CWC27: variants seen among roughly 807,000 people sequenced by gnomAD.
The protein encoded by CWC27 is spliceosome-associated protein CWC27 homolog.
A neutral mutation model predicts 63.6 loss-of-function variants in CWC27; 47 were observed. The ratio of observed to expected loss-of-function variants is 0.74; its 90% CI spans 0.58 to 0.94. The LOEUF (loss-of-function observed/expected upper bound fraction) is 0.94. Ranked by LOEUF, CWC27 falls within the 40% of genes least tolerant of loss-of-function variation. CWC27 has a pLI of 0.00. For missense variants in CWC27, 495 were observed against 554.3 expected, an observed-to-expected ratio of 0.89 and a Z score of 1.07; for synonymous variants, 175 against 179.8, an observed-to-expected ratio of 0.97 and a Z score of 0.22.
chr5:65,007,355 T>C (rs1207995353), intron 13 of CWC27, among the ~76,000 whole-genome samples: 1 of 152,230 alleles, frequency 6.6e-6, no homozygotes, highest in Non-Finnish European at 1.5e-5. Context: ...TATGGTATCC[T>C]GAATGGGATT....
Position 64,771,511 on chromosome 5 carries a change from A to G in CWC27, c.42+2323A>G, listed in dbSNP as rs574761831. Among the ~76,000 whole-genome samples the G allele has an allele frequency of 1.0e-3, 155 of 152,338 alleles. 1 individual carries two copies. Among genetic ancestry groups the G allele is most frequent in the Middle Eastern group, 3.4e-3 (1 of 294 alleles). On this transcript the variant is annotated intron_variant, in intron 1 of 13. Transcript: ENST00000381070. ...AGTACTTGACAGAAAGTTTTTAAGC[A>G]TAAGAGGTAATTCCCTGAAGATGAA...
intron 11 of CWC27, among the ~76,000 whole-genome samples, chr5:64,920,835 C>T (rs1263467783): frequency 1.3e-5 from 2 of 151,880 alleles, no homozygotes; most frequent in Admixed American, 6.6e-5. Context: ...TTATTTGGAT[C>T]TTCTCTCTTT....
chr5:64,912,073 C>CAAAAA (rs1253684440), intron 11 of CWC27, among the ~76,000 whole-genome samples: 4 of 83,398 alleles, frequency 4.8e-5, no homozygotes, highest in African/African-American at 1.4e-4. Context: ...GACTCTGTCT[C>CAAAAA]AAAAAAAAAA....
intron 11 of CWC27, among the ~76,000 whole-genome samples, chr5:64,942,921 T>A (rs1748514743): frequency 6.6e-6 from 1 of 152,198 alleles, no homozygotes; most frequent in African/African-American, 2.4e-5. Context: ...AGAGGCTCAT[T>A]GTACTCAGGT....
intron 10 of CWC27, chr5:64,808,055 T>G (rs1320221582): frequency 3.1e-6 from 4 of 1,307,504 alleles, no homozygotes; most frequent in Non-Finnish European, 3.9e-6. Context: ...TCTTTTCTCT[T>G]GAGACTAATC....
At chr5:64,836,092 A>C (rs1188149812) in intron 10 of CWC27, among the ~76,000 whole-genome samples, 1 of 151,978 alleles carries the variant, frequency 6.6e-6, no homozygotes, top group Non-Finnish European at 1.5e-5. Flanking sequence ...ATATTCAAAT[A>C]AGTAAAGTTA....
At position 64,995,612 on chromosome 5, in the gene CWC27, G is replaced by A. The variant is rs773322435; in HGVS notation, c.1256+18374G>A. On this transcript the variant is annotated intron_variant, in intron 13 of 13. Coordinates refer to ENST00000381070, the MANE Select transcript of CWC27 (RefSeq NM_005869.4). Reference sequence around the variant, plus strand: ...TTAGCCACCACAACTGAATAATACCGTGTTTCCCCATGGATATTAAATGTG... The same window carrying A: ...TTAGCCACCACAACTGAATAATACCATGTTTCCCCATGGATATTAAATGTG... Among the ~76,000 whole-genome samples, 28 of 152,004 alleles carry A rather than the reference G, an allele frequency of 1.8e-4. No individual in the cohort carries two copies. The South Asian group carries it at 2.9e-3, about 16-fold the overall frequency.
intron 10 of CWC27, among the ~76,000 whole-genome samples, chr5:64,867,944 G>T (rs1339728545): frequency 6.6e-6 from 1 of 151,456 alleles, no homozygotes; most frequent in Non-Finnish European, 1.5e-5. Context: ...TGTTTGGGGG[G>T]GGGGCTGTTG....
intron 13 of CWC27, among the ~76,000 whole-genome samples, chr5:65,016,819 G>A (rs1468721858): frequency 4.6e-5 from 7 of 152,142 alleles, no homozygotes; most frequent in Admixed American, 3.3e-4. Flanking sequence ...AGAAAAGAGT[G>A]AGGGATCTTC....
intron 10 of CWC27, among the ~76,000 whole-genome samples, chr5:64,838,934 T>C (rs1561429321): frequency 1.3e-5 from 2 of 152,202 alleles, no homozygotes; most frequent in Admixed American, 6.5e-5. Flanking sequence ...TCAGTCATAC[T>C]ATGAAAATAA....
At chr5:65,002,249 CA>C (rs1264441612) in intron 13 of CWC27, among the ~76,000 whole-genome samples, 6 of 151,814 alleles carry the variant, frequency 4.0e-5, no homozygotes, top group African/African-American at 1.2e-4. Flanking sequence ...TTTATCTTTT[CA>C]AAAAAACCAA....
intron 12 of CWC27, among the ~76,000 whole-genome samples, chr5:64,974,856 T>C (rs1749199353): frequency 6.6e-6 from 1 of 152,220 alleles, no homozygotes; most frequent in African/African-American, 2.4e-5. Flanking sequence ...TGTTTTCTTA[T>C]TAATAAGCAA....
intron 11 of CWC27, among the ~76,000 whole-genome samples, chr5:64,941,375 C>T (rs1376682810): frequency 2.0e-5 from 3 of 152,122 alleles, no homozygotes; most frequent in Non-Finnish European, 4.4e-5. Context: ...GTCTTTGCCC[C>T]TTTCCATATT....
chr5:64,771,868 G>A (rs1318659158), intron 1 of CWC27, among the ~76,000 whole-genome samples: 3 of 152,194 alleles, frequency 2.0e-5, no homozygotes, highest in Non-Finnish European at 2.9e-5. Flanking sequence ...AAGAAACCCT[G>A]GTGAGCAAAG....
At chr5:64,855,649 T>C (rs1384403610) in intron 10 of CWC27, among the ~76,000 whole-genome samples, 1 of 152,168 alleles carries the variant, frequency 6.6e-6, no homozygotes, top group Non-Finnish European at 1.5e-5. Context: ...TTGGGGATAA[T>C]CTGGTAATAC....
At chr5:64,869,735 G>T (rs548964860) in intron 10 of CWC27, among the ~76,000 whole-genome samples, 4 of 152,116 alleles carry the variant, frequency 2.6e-5, no homozygotes, top group Admixed American at 2.6e-4. Flanking sequence ...CAAAAGTCAA[G>T]AAACACAGAT....
chr5:64,928,720 A>T (rs1429235088), intron 11 of CWC27, among the ~76,000 whole-genome samples: 1 of 152,158 alleles, frequency 6.6e-6, no homozygotes, highest in East Asian at 1.9e-4. Context: ...ACCTGAGTTT[A>T]TCTTTTTTTG....
intron 11 of CWC27, among the ~76,000 whole-genome samples, chr5:64,893,118 T>G (rs75424504): frequency 0.028 from 4,193 of 152,360 alleles, 132 homozygotes; most frequent in African/African-American, 0.077. Flanking sequence ...TTGTTTTGTT[T>G]GGATATTTAG....
chr5:64,780,956 C>T (rs1743664077), intron 2 of CWC27, among the ~76,000 whole-genome samples: 1 of 152,120 alleles, frequency 6.6e-6, no homozygotes, highest in African/African-American at 2.4e-5. Flanking sequence ...GCATGTTGGT[C>T]ATTATTGCTA....
Sources: allele counts gnomAD v4.1 joint callset (sites outside exome capture counted in the v4.1 genomes callset), GRCh38; gene constraint gnomAD v4.1.1; transcripts MANE v1.5; gene names NCBI Gene and HGNC (gene_info 2026-07-23, HGNC 2026-07-21).